The following LRRIQ3 variants were observed in gnomAD, a reference collection of about 807,000 sequenced individuals.
LRRIQ3 encodes leucine rich repeats and IQ motif containing 3.
Under a neutral mutation model 59.3 loss-of-function variants are expected in LRRIQ3, and 75 were observed. That is an observed-to-expected ratio of 1.26 (90% confidence interval 1.05 to 1.53). The LOEUF is 1.53. Among genes scored for constraint, LRRIQ3 ranks in the 40% most tolerant of loss-of-function variants. The pLI is 0.00. For missense variants in LRRIQ3, 831 were observed against 710.0 expected (o/e 1.17, Z -1.94); for synonymous variants, 250 against 231.3 (o/e 1.08, Z -0.73).
chr1:74,060,069 T>C (rs935463334), intron 6 of LRRIQ3, among the ~76,000 whole-genome samples: 2 of 152,170 alleles, frequency 1.3e-5, no homozygotes, highest in African/African-American at 2.4e-5. Context: ...ATATTGTTCA[T>C]TGTATTCCTT....
chr1:74,074,929 G>T, intron 5 of LRRIQ3, 139 bp from the exon 6 acceptor site: 1 of 377,690 alleles, frequency 2.6e-6, no homozygotes, highest in Non-Finnish European at 4.6e-6. Context: ...AGGTAGGCAG[G>T]GTTAAGAAAA....
At position 74,142,055 on chromosome 1, in the gene LRRIQ3, C is replaced by G. The variant is rs1647280361; in HGVS notation, c.707+13678G>C. Reference sequence around the variant, plus strand: ...ATTTATCTGTTTATTCCTTGATGGACATTTGCATTGATTCTGTATCTTGGC... The same window carrying G: ...ATTTATCTGTTTATTCCTTGATGGAGATTTGCATTGATTCTGTATCTTGGC... On this transcript the variant is annotated intron_variant, in intron 4 of 7. Transcript: ENST00000354431. Among the ~76,000 whole-genome samples, 3 of 151,706 alleles carry G rather than the reference C, an allele frequency of 2.0e-5. 1 individual carries two copies. The South Asian group carries it at 6.2e-4, about 32-fold the overall frequency.
intron 7 of LRRIQ3, among the ~76,000 whole-genome samples, chr1:74,033,730 A>G (rs2100365839): frequency 6.6e-6 from 1 of 152,066 alleles, no homozygotes; most frequent in African/African-American, 2.4e-5. Context: ...AAGCTTCATA[A>G]GTCAAAATGA....
chr1:74,140,999 T>C (rs1431843963), intron 4 of LRRIQ3, among the ~76,000 whole-genome samples: 1 of 151,848 alleles, frequency 6.6e-6, no homozygotes, highest in Non-Finnish European at 1.5e-5. Context: ...TCAGAATTAA[T>C]TGTATACCCA....
chr1:74,198,155 A>T lies in LRRIQ3; in HGVS notation c.-160T>A. 4.6e-6 allele frequency: 7 copies of T among 1,506,960 alleles called. No individual in the cohort carries two copies. Among genetic ancestry groups the T allele is most frequent in the South Asian group, 1.3e-5 (1 of 77,304 alleles). The allele number at this position is 1,506,960 out of a possible 1,614,324, so 93.3% of individuals were successfully genotyped here. A position where few individuals can be genotyped will look rare whatever the true frequency, so the allele number is the denominator to read the frequency against. ...CATCATGGTTTTCCGGGCGCCAGCCAAGGCGCTCCGGGGGCGTGGTTACGT... is the reference window on the plus strand; with the variant it reads ...CATCATGGTTTTCCGGGCGCCAGCCTAGGCGCTCCGGGGGCGTGGTTACGT... On this transcript the variant is annotated 5_prime_UTR_variant, in exon 1 of 8. Coordinates refer to ENST00000354431, the MANE Select transcript of LRRIQ3 (RefSeq NM_001105659.2).
chr1:74,075,820 G>T (rs927725516), intron 5 of LRRIQ3, among the ~76,000 whole-genome samples: 4 of 152,066 alleles, frequency 2.6e-5, no homozygotes, highest in Non-Finnish European at 5.9e-5. Context: ...TACTGTATCT[G>T]CATGGGTACT....
At chr1:74,035,743 A>G (rs1339870376) in intron 7 of LRRIQ3, among the ~76,000 whole-genome samples, 1 of 152,066 alleles carries the variant, frequency 6.6e-6, no homozygotes, top group Non-Finnish European at 1.5e-5. Context: ...TTTTTAATCA[A>G]GTTGATGTTT....
At chr1:74,122,485 A>G (rs1646874424) in intron 4 of LRRIQ3, among the ~76,000 whole-genome samples, 1 of 152,124 alleles carries the variant, frequency 6.6e-6, no homozygotes, top group Admixed American at 6.6e-5. Flanking sequence ...ACAGAGATAT[A>G]GACCAATGGA....
chr1:74,031,053 C>G (rs978557842), intron 7 of LRRIQ3, among the ~76,000 whole-genome samples: 1 of 152,208 alleles, frequency 6.6e-6, no homozygotes, highest in East Asian at 1.9e-4. Flanking sequence ...AAATCAAAAC[C>G]ACAGTGAGAT....
chr1:74,068,244 T>A lies in LRRIQ3; in HGVS notation c.997+6417A>T, dbSNP rs571579507. Among the ~76,000 whole-genome samples, 4 of 152,238 alleles carry A rather than the reference T, an allele frequency of 2.6e-5. No homozygotes were observed. The East Asian group carries it at 7.7e-4, about 29-fold the overall frequency. ...AATTAATCCTAATTTCCTTCACAGA[T>A]AAACCCTGTAATCTCAACAGTTTAG... On this transcript the variant is annotated intron_variant, in intron 6 of 7. Coordinates refer to ENST00000354431, the MANE Select transcript of LRRIQ3 (RefSeq NM_001105659.2).
chr1:74,053,259 T>C (rs1654424686), intron 6 of LRRIQ3, among the ~76,000 whole-genome samples: 1 of 151,468 alleles, frequency 6.6e-6, no homozygotes, highest in South Asian at 2.1e-4. Context: ...CTCATAGATT[T>C]AAATATAAAA....
At chr1:74,105,180 T>G (rs1401448618) in intron 5 of LRRIQ3, among the ~76,000 whole-genome samples, 7 of 151,958 alleles carry the variant, frequency 4.6e-5, no homozygotes, top group Non-Finnish European at 1.5e-5. Flanking sequence ...TTGTATTAAC[T>G]ATGAACACTA....
Position 74,084,058 on chromosome 1 carries a change from T to C in LRRIQ3, c.868-9268A>G, listed in dbSNP as rs577026073. The C allele has an allele frequency of 1.9e-4, 168 of 890,088 alleles. 3 individuals carry two copies. The South Asian group carries it at 2.1e-3, about 11-fold the overall frequency. The allele number at this position is 890,088 out of a possible 1,614,324, so 55.1% of individuals were successfully genotyped here. ...ATTTCTCTTTTCAACTTTACACTTA[T>C]CTTGTGTGTACAGCTGATATCCCTA... On this transcript the variant is annotated intron_variant, in intron 5 of 7. Coordinates refer to ENST00000354431, the MANE Select transcript of LRRIQ3 (RefSeq NM_001105659.2).
chr1:74,153,462 G>T (rs1648112084), intron 4 of LRRIQ3, among the ~76,000 whole-genome samples: 1 of 152,118 alleles, frequency 6.6e-6, no homozygotes, highest in Non-Finnish European at 1.5e-5. Context: ...CCTCTCAGGG[G>T]AGCTCTTCAT....
intron 3 of LRRIQ3, among the ~76,000 whole-genome samples, chr1:74,172,642 G>C (rs1649396878): frequency 6.6e-6 from 1 of 152,000 alleles, no homozygotes; most frequent in South Asian, 2.1e-4. Flanking sequence ...TTTACTTTCT[G>C]GATGATCTAT....
At chr1:74,110,011 CATAAT>C (rs369307251) in intron 4 of LRRIQ3, among the ~76,000 whole-genome samples, 37 of 151,646 alleles carry the variant, frequency 2.4e-4, no homozygotes, top group African/African-American at 8.0e-4. Flanking sequence ...GTATGTCTAA[CATAAT>C]ATAAGCCAGA....
chr1:74,098,183 T>C (rs1189969148), intron 5 of LRRIQ3, among the ~76,000 whole-genome samples: 2 of 151,902 alleles, frequency 1.3e-5, no homozygotes, highest in Admixed American at 6.6e-5. Context: ...GAGACACACA[T>C]AGGCTCAAAA....
intron 4 of LRRIQ3, among the ~76,000 whole-genome samples, chr1:74,150,047 C>T (rs1015553986): frequency 7.2e-5 from 11 of 152,092 alleles, no homozygotes; most frequent in East Asian, 3.9e-4. Flanking sequence ...GCAGTATATC[C>T]GGTAAGGGTG....
At chr1:74,043,381 T>C (rs1654106000) in intron 6 of LRRIQ3, among the ~76,000 whole-genome samples, 1 of 152,116 alleles carries the variant, frequency 6.6e-6, no homozygotes, top group Admixed American at 6.6e-5. Flanking sequence ...GCAGGGCTTG[T>C]AGTCTAGACG....
Sources: gnomAD v4.1 joint callset for allele counts (sites outside exome capture counted in the v4.1 genomes callset) on GRCh38, gnomAD v4.1.1 for gene constraint, MANE v1.5 for transcripts, NCBI Gene and HGNC (gene_info 2026-07-23, HGNC 2026-07-21) for gene names.